CHAC1: variants seen among roughly 807,000 people sequenced by gnomAD.
The protein encoded by CHAC1 is ChaC glutathione specific gamma-glutamylcyclotransferase 1, also known as glutathione-specific gamma-glutamylcyclotransferase 1.
Under a neutral mutation model 22.1 loss-of-function variants are expected in CHAC1, and 22 were observed. The observed-to-expected ratio is 1.00, with a 90% CI of 0.71 to 1.42. The LOEUF (loss-of-function observed/expected upper bound fraction) is 1.42, where lower values mean the gene tolerates loss of function less well. Ranked by LOEUF, CHAC1 falls within the 40% of genes most tolerant of loss-of-function variation. CHAC1 has a pLI of 0.00. For synonymous variants in CHAC1, 145 were observed against 128.7 expected (o/e 1.13, Z -0.86); for missense variants, 272 against 299.2 (o/e 0.91, Z 0.67).
At position 40,955,646 on chromosome 15, in the gene CHAC1, C is replaced by CT. The variant is rs1566886820; in HGVS notation, c.541_542insT (p.Arg181LeufsTer46). On this transcript the variant is annotated frameshift_variant, in exon 3 of 3. Coordinates refer to ENST00000617768, the MANE Select transcript of CHAC1 (RefSeq NM_024111.6). LOFTEE classifies it high-confidence loss of function. ...CGGCCACAACCTTGAATACTTGCTG[C>CT]GTCTGGCAGACTTCATGCAGCTCTG... 6 of 1,613,036 alleles carry CT rather than the reference C, an allele frequency of 3.7e-6. No individual in the cohort carries two copies. The highest frequency in any genetic ancestry group is 5.1e-6 in the Non-Finnish European group (6 of 1,180,042).
At position 40,954,140 on chromosome 15, in the gene CHAC1, C is replaced by T. The variant is rs1893175472; in HGVS notation, c.232-88C>T. 4.2e-6 allele frequency: 6 copies of T among 1,432,156 alleles called. No individual in the cohort carries two copies. The African/African-American group carries it at 4.2e-5, about 10-fold the overall frequency. The allele number at this position is 1,432,156 out of a possible 1,614,324, so 88.7% of individuals were successfully genotyped here. On this transcript the variant is annotated intron_variant, in intron 1 of 2. Coordinates refer to ENST00000617768, the MANE Select transcript of CHAC1 (RefSeq NM_024111.6). Reference sequence around the variant, plus strand: ...ATGCAGAGTGGGGCACTTGGAGGCCCGGGTCAGCGGGATTGATAAAGGTTT... The same window carrying T: ...ATGCAGAGTGGGGCACTTGGAGGCCTGGGTCAGCGGGATTGATAAAGGTTT...
chr15:40,954,358 C>T (rs1034038546), intron 2 of CHAC1, 95 bp downstream of exon 2: 76 of 1,260,172 alleles, frequency 6.0e-5, no homozygotes, highest in Middle Eastern at 2.4e-4. Flanking sequence ...CTAGCTCTGT[C>T]TGATGCTTCT....
chr15:40,955,296 G>C (rs1566886378), intron 2 of CHAC1, 77 bp from the exon 3 acceptor site: 2 of 1,505,124 alleles, frequency 1.3e-6, no homozygotes, highest in African/African-American at 1.4e-5. Context: ...TCCTGGGTGG[G>C]GGTGGCATGT....
rs1231953761 is a variant in CHAC1, at chr15:40,955,631, C to T, written c.526C>T (p.Leu176Phe). 7 of 1,613,544 alleles carry T rather than the reference C, an allele frequency of 4.3e-6. No individual in the cohort carries two copies. Among genetic ancestry groups the T allele is most frequent in the East Asian group, 2.2e-5 (1 of 44,890 alleles). ...CTGCCGGGGCTTCTCCGGCCACAAC[C>T]TTGAATACTTGCTGCGTCTGGCAGA... ...LACRGFSGHNLEYLLRLADFM... is the reference protein window; with the variant it reads ...LACRGFSGHNFEYLLRLADFM... Residue 176 changes from leucine to phenylalanine, a missense_variant, in exon 3 of 3, where the codon CTT becomes TTT. Transcript: ENST00000617768.
At chr15:40,955,301 G>A (rs1411787217) in intron 2 of CHAC1, 72 bp from the exon 3 acceptor site, 2 of 1,533,368 alleles carry the variant, frequency 1.3e-6, no homozygotes, top group Non-Finnish European at 1.8e-6. Flanking sequence ...GGTGGGGGTG[G>A]CATGTTAGGA....
rs1893246785 is a variant in CHAC1 at position 40,956,317 on chromosome 15, G to C, written c.*543G>C. ...AGAGCAGAGCTGGAGCTGATGCCTGGACACAGCTGCTGAGCCTGGCCTGGG... is the reference window on the plus strand; with the variant it reads ...AGAGCAGAGCTGGAGCTGATGCCTGCACACAGCTGCTGAGCCTGGCCTGGG... On this transcript the variant is annotated 3_prime_UTR_variant, in exon 3 of 3. Coordinates refer to ENST00000617768, the MANE Select transcript of CHAC1 (RefSeq NM_024111.6). The C allele has an allele frequency of 6.5e-6, 1 of 154,894 alleles. No individual in the cohort carries two copies. 9.6% of individuals were successfully genotyped at this position (154,894 alleles called of 1,614,324 possible).
In CHAC1 at chr15:40,955,572, C is replaced by T. The variant is rs149942687; in HGVS notation, c.467C>T (p.Ala156Val). ...TPQNPGYLGPAPEEAIATQIL... is the reference protein window; with the variant it reads ...TPQNPGYLGPVPEEAIATQIL... ...CAGAACCCTGGTTACCTGGGCCCTGCGCCTGAAGAGGCCATTGCCACGCAG... is the reference window on the plus strand; with the variant it reads ...CAGAACCCTGGTTACCTGGGCCCTGTGCCTGAAGAGGCCATTGCCACGCAG... The change falls in exon 3 of 3, where the codon GCG becomes GTG. Residue 156 changes from alanine to valine, a missense_variant. Coordinates refer to ENST00000617768, the MANE Select transcript of CHAC1 (RefSeq NM_024111.6). 688 of 1,613,962 alleles carry T rather than the reference C, an allele frequency of 4.3e-4. 2 individuals are homozygous for T. Among genetic ancestry groups the T allele is most frequent in the Non-Finnish European group, 5.5e-4 (645 of 1,180,036 alleles).
At position 40,955,622 on chromosome 15, in the gene CHAC1, G is replaced by C; in HGVS notation, c.517G>C (p.Gly173Arg). 1 of 1,613,790 alleles carries C rather than the reference G, an allele frequency of 6.2e-7. No homozygotes were observed. Among genetic ancestry groups the C allele is most frequent in the Non-Finnish European group, 8.5e-7 (1 of 1,180,046 alleles). ...GATCCTGGCCTGCCGGGGCTTCTCC[G>C]GCCACAACCTTGAATACTTGCTGCG... ...TQILACRGFS[G>R]HNLEYLLRLA... is the part of the protein sequence containing the mutation. The change falls in exon 3 of 3, where the codon GGC becomes CGC. Residue 173 changes from glycine to arginine, a missense_variant. Transcript: ENST00000617768.
At chr15:40,954,368 T>C in intron 2 of CHAC1, 105 bp downstream of exon 2, 1 of 1,159,106 alleles carries the variant, frequency 8.6e-7, no homozygotes, top group Non-Finnish European at 1.3e-6. Context: ...CTGATGCTTC[T>C]CTGGCAGAGT....
At chr15:40,954,125 G>T in intron 1 of CHAC1, 103 bp from the exon 2 acceptor site, 4 of 1,204,738 alleles carry the variant, frequency 3.3e-6, no homozygotes, top group Non-Finnish European at 3.7e-6. Context: ...ATGCAGAGTG[G>T]GGCACTTGGA....
chr15:40,954,915 C>T (rs1596208422), intron 2 of CHAC1, among the ~76,000 whole-genome samples: 4 of 139,872 alleles, frequency 2.9e-5, no homozygotes, highest in African/African-American at 8.0e-5. Context: ...TCAACTATGC[C>T]TTTTTTTTTT....
In CHAC1 at chr15:40,955,822, C is replaced by A; in HGVS notation, c.*48C>A. 2 of 1,514,834 alleles carry A rather than the reference C, an allele frequency of 1.3e-6. No individual in the cohort carries two copies. The highest frequency in any genetic ancestry group is 8.8e-7 in the Non-Finnish European group (1 of 1,134,696). The allele number at this position is 1,514,834 out of a possible 1,614,324, so 93.8% of individuals were successfully genotyped here. ...TGCTCATGTGGACATCAGGGCCAGA[C>A]ACCCACTCCAGTGCACAAGACAGAC... is the stretch of plus-strand genomic sequence containing the variant. On this transcript the variant is annotated 3_prime_UTR_variant, in exon 3 of 3. Transcript: ENST00000617768.
chr15:40,955,806 G>T lies in CHAC1; in HGVS notation c.*32G>T. ...GAGCCCCTGCGGGGAGTGCTCATGT[G>T]GACATCAGGGCCAGACACCCACTCC... On this transcript the variant is annotated 3_prime_UTR_variant, in exon 3 of 3. Transcript: ENST00000617768. The T allele has an allele frequency of 6.5e-7, 1 of 1,546,988 alleles. No homozygotes were observed.
Position 40,953,849 on chromosome 15 carries a change from G to A in CHAC1, c.231+35G>A, listed in dbSNP as rs372023541. 1,159 of 1,510,702 alleles carry A rather than the reference G, an allele frequency of 7.7e-4. 2 individuals are homozygous for A. Among genetic ancestry groups the A allele is most frequent in the Non-Finnish European group, 9.5e-4 (1,063 of 1,122,058 alleles). 93.6% of individuals were successfully genotyped at this position (1,510,702 alleles called of 1,614,324 possible). A position where few individuals can be genotyped will look rare whatever the true frequency, so the allele number is the denominator to read the frequency against. ...CAACCGTGCCCAGGGGAGTGAGGGG[G>A]TTGGGGGCGGGATACTGGGCGCCAG... On this transcript the variant is annotated intron_variant, in intron 1 of 2. Coordinates refer to ENST00000617768, the MANE Select transcript of CHAC1 (RefSeq NM_024111.6).
rs1893249749 is a variant in CHAC1 at position 40,956,443 on chromosome 15, G to C, written c.*669G>C. On this transcript the variant is annotated 3_prime_UTR_variant, in exon 3 of 3. Transcript: ENST00000617768. ...CTGTGTGTTGGTCTATTCCTGGGAA[G>C]CTCATCACTACAGGCCCTGGCAACC... 2 of 152,832 alleles carry C rather than the reference G, an allele frequency of 1.3e-5. No individual in the cohort carries two copies. Among genetic ancestry groups the C allele is most frequent in the Non-Finnish European group, 2.9e-5 (2 of 68,584 alleles). 9.5% of individuals were successfully genotyped at this position (152,832 alleles called of 1,614,324 possible).
Position 40,955,704 on chromosome 15 carries a change from C to A in CHAC1, c.599C>A (p.Ala200Asp). The A allele has an allele frequency of 6.2e-7, 1 of 1,607,308 alleles. No individual in the cohort carries two copies. The highest frequency in any genetic ancestry group is 8.5e-7 in the Non-Finnish European group (1 of 1,179,938). The change falls in exon 3 of 3, where the codon GCC becomes GAC. Residue 200 changes from alanine to aspartate, a missense_variant. Transcript: ENST00000617768. Reference protein sequence around the residue: ...GPQAQDEHLAAIVDAVGTMLP... With the variant: ...GPQAQDEHLADIVDAVGTMLP... Reference sequence around the variant, plus strand: ...CAGGCGCAGGACGAGCACCTGGCAGCCATCGTGGACGCTGTGGGCACCATG... The same window carrying A: ...CAGGCGCAGGACGAGCACCTGGCAGACATCGTGGACGCTGTGGGCACCATG...
rs767566536 is a variant in CHAC1 at position 40,955,448 on chromosome 15, G to C, written c.343G>C (p.Glu115Gln). The change falls in exon 3 of 3, where the codon GAG becomes CAG. Residue 115 changes from glutamate to glutamine, a missense_variant. Physicochemically the swap from Glu to Gln is conservative, Grantham distance 29 (BLOSUM62 2). Coordinates refer to ENST00000617768, the MANE Select transcript of CHAC1 (RefSeq NM_024111.6). ...SKALKYLNVR[E>Q]AVLGGYDTKE... ...GGCCCTGAAGTACCTGAATGTGCGAGAGGCAGTGCTTGGTGGCTACGATAC... is the reference window on the plus strand; with the variant it reads ...GGCCCTGAAGTACCTGAATGTGCGACAGGCAGTGCTTGGTGGCTACGATAC... The C allele has an allele frequency of 1.2e-6, 2 of 1,614,142 alleles. No homozygotes were observed. Among genetic ancestry groups the C allele is most frequent in the African/African-American group, 1.3e-5 (1 of 75,044 alleles).
chr15:40,954,171 C>T (rs1042933681), intron 1 of CHAC1, 57 bp from the exon 2 acceptor site: 9 of 1,586,556 alleles, frequency 5.7e-6, no homozygotes, highest in South Asian at 1.1e-5. Context: ...GGTTTCCTTG[C>T]TGATGGCAGA....
rs138763804 is a variant in CHAC1, at chr15:40,954,728, C to T, written c.267+465C>T. Among the ~76,000 whole-genome samples the T allele has an allele frequency of 1.7e-4, 26 of 152,172 alleles. No homozygotes were observed. In the East Asian group the frequency reaches 4.2e-3, roughly 25 times the overall value. On this transcript the variant is annotated intron_variant, in intron 2 of 2. Transcript: ENST00000617768. ...AAGCGATTCTCCCACCTCAGCCTCC[C>T]GAGTAGCTGGGATTACAGGCATGCG...
Sources: gnomAD v4.1 joint callset for allele counts (sites outside exome capture counted in the v4.1 genomes callset) on GRCh38, gnomAD v4.1.1 for gene constraint, MANE v1.5 for transcripts, NCBI Gene and HGNC (gene_info 2026-07-23, HGNC 2026-07-21) for gene names.